Variants in SEMA6A observed in about 807,000 individuals in gnomAD.
SEMA6A encodes the protein semaphorin 6A.
In SEMA6A, 25 loss-of-function variants were observed where a neutral mutation model predicts 96.8. The observed-to-expected ratio is 0.26, with a 90% CI of 0.19 to 0.36. The LOEUF is 0.36. Ranked by LOEUF, SEMA6A falls within the 10% of genes least tolerant of loss-of-function variation. The probability of loss-of-function intolerance (pLI) is 1.00; values close to 1 mark genes in which losing one functional copy is unlikely to be tolerated. For synonymous variants in SEMA6A, 612 were observed against 518.0 expected (o/e 1.18, Z -2.46); for missense variants, 1,363 against 1,323.1 (o/e 1.03, Z -0.47).
At chr5:116,520,201 T>C (rs1298896868) in intron 1 of SEMA6A, among the ~76,000 whole-genome samples, 1 of 151,516 alleles carries the variant, frequency 6.6e-6, no homozygotes. Context: ...TCCAAGATCA[T>C]AAAATGTCAC....
chr5:116,453,902 C>G (rs548870808), intron 18 of SEMA6A, among the ~76,000 whole-genome samples: 1 of 152,256 alleles, frequency 6.6e-6, no homozygotes, highest in South Asian at 2.1e-4. Context: ...AGCAAAAATA[C>G]GTAAAATTAA....
chr5:116,555,693 A>C (rs1760580520), intron 1 of SEMA6A, among the ~76,000 whole-genome samples: 1 of 151,920 alleles, frequency 6.6e-6, no homozygotes, highest in South Asian at 2.1e-4. Flanking sequence ...AATTGTAAAA[A>C]TTATCCAGGC....
At chr5:116,484,780 T>A (rs1185171813) in intron 10 of SEMA6A, among the ~76,000 whole-genome samples, 1 of 152,166 alleles carries the variant, frequency 6.6e-6, no homozygotes, top group Non-Finnish European at 1.5e-5. Context: ...TGGGCAGATG[T>A]TGGTCAGGTG....
intron 18 of SEMA6A, among the ~76,000 whole-genome samples, chr5:116,459,349 A>G (rs916168561): frequency 6.6e-6 from 1 of 152,178 alleles, no homozygotes; most frequent in African/African-American, 2.4e-5. Flanking sequence ...TTATATATGT[A>G]TCACCTGTCA....
At chr5:116,542,357 T>G (rs1580496344) in intron 1 of SEMA6A, among the ~76,000 whole-genome samples, 1 of 152,204 alleles carries the variant, frequency 6.6e-6, no homozygotes, top group African/African-American at 2.4e-5. Flanking sequence ...ACCGTTTTTC[T>G]TCTTCATTAC....
At chr5:116,464,054 A>G (rs1755575014) in intron 18 of SEMA6A, among the ~76,000 whole-genome samples, 1 of 152,200 alleles carries the variant, frequency 6.6e-6, no homozygotes, top group Non-Finnish European at 1.5e-5. Context: ...TAAAAAAGAA[A>G]GCTCTTATTT....
At chr5:116,493,690 A>G (rs1042926450) in intron 6 of SEMA6A, among the ~76,000 whole-genome samples, 1 of 152,108 alleles carries the variant, frequency 6.6e-6, no homozygotes, top group Non-Finnish European at 1.5e-5. Context: ...GTACATGCCA[A>G]AAAAAGACAG....
intron 1 of SEMA6A, among the ~76,000 whole-genome samples, chr5:116,538,082 G>A (rs374343578): frequency 6.6e-6 from 1 of 152,178 alleles, no homozygotes; most frequent in African/African-American, 2.4e-5. Context: ...GGCTGAGGCA[G>A]GGGAATCGCT....
At chr5:116,536,866 T>TAAAAAAAAAAAAAAA (rs72214884) in intron 1 of SEMA6A, among the ~76,000 whole-genome samples, 26 of 69,510 alleles carry the variant, frequency 3.7e-4, no homozygotes, top group African/African-American at 5.2e-4. Context: ...TGTGATTTCT[T>TAAAAAAAAAAAAAAA]AAAAAAAAAA....
At chr5:116,465,894 G>C (rs565071739) in intron 18 of SEMA6A, among the ~76,000 whole-genome samples, 1 of 152,180 alleles carries the variant, frequency 6.6e-6, no homozygotes, top group South Asian at 2.1e-4. Context: ...TGAGAATACA[G>C]TCAGGACTAG....
intron 1 of SEMA6A, among the ~76,000 whole-genome samples, chr5:116,542,375 C>T (rs775718421): frequency 6.6e-5 from 10 of 152,124 alleles, no homozygotes; most frequent in Non-Finnish European, 1.3e-4. Context: ...TACTCTATTG[C>T]ACTTTATTTC....
intron 7 of SEMA6A, 118 bp downstream of exon 7, chr5:116,491,622 A>G (rs1757329192): frequency 1.4e-6 from 1 of 733,098 alleles, no homozygotes; most frequent in Non-Finnish European, 2.4e-6. Context: ...TCTTAATTAC[A>G]GTATTCACCA....
In SEMA6A at chr5:116,550,574, G is replaced by A. The variant is rs185416072; in HGVS notation, c.-39+23611C>T. On this transcript the variant is annotated intron_variant, in intron 1 of 18. Transcript: ENST00000343348. ...CTTCTTTAAGTACCATTTTTTGAAG[G>A]ATCTGTCAGCATGTGCCCAGTGGAC... 1.1e-3 allele frequency: 162 copies of A among 152,210 alleles called. 1 individual carries two copies. Among genetic ancestry groups the A allele is most frequent in the African/African-American group, 3.7e-3 (155 of 41,546 alleles). 9.4% of individuals were successfully genotyped at this position (152,210 alleles called of 1,614,324 possible).
intron 1 of SEMA6A, among the ~76,000 whole-genome samples, chr5:116,525,096 T>C (rs1479765338): frequency 6.6e-6 from 1 of 152,238 alleles, no homozygotes; most frequent in Non-Finnish European, 1.5e-5. Flanking sequence ...CTGATCACTT[T>C]GTAAACATGG....
intron 1 of SEMA6A, among the ~76,000 whole-genome samples, chr5:116,573,124 AAG>A (rs1421093259): frequency 6.6e-6 from 1 of 152,102 alleles, no homozygotes; most frequent in Non-Finnish European, 1.5e-5. Flanking sequence ...GAATCGGGAC[AAG>A]AGACACTTCC....
At chr5:116,470,616 G>A (rs1274401426) in intron 17 of SEMA6A, among the ~76,000 whole-genome samples, 1 of 152,172 alleles carries the variant, frequency 6.6e-6, no homozygotes, top group Non-Finnish European at 1.5e-5. Context: ...AAGAGAGGAA[G>A]AGAGAAGGAA....
chr5:116,498,316 C>G (rs370999981), intron 3 of SEMA6A: 1 of 152,202 alleles, frequency 6.6e-6, no homozygotes, highest in East Asian at 1.9e-4. Context: ...ACCAGGACCT[C>G]GTCTCCCATA....
chr5:116,560,367 T>C (rs1760772295), intron 1 of SEMA6A, among the ~76,000 whole-genome samples: 1 of 152,104 alleles, frequency 6.6e-6, no homozygotes, highest in Non-Finnish European at 1.5e-5. Flanking sequence ...AATTCTGAAC[T>C]AGTTCATCGC....
chr5:116,446,698 G>A lies in SEMA6A; in HGVS notation c.3008C>T (p.Thr1003Met), dbSNP rs527797505. 6.9e-6 allele frequency: 11 copies of A among 1,584,952 alleles called. No individual in the cohort carries two copies. The East Asian group carries it at 1.4e-4, about 20-fold the overall frequency. ...GGGTACGTCCGGCTTTAGCGAGGGC[G>A]TACGCTTCAGCCCCGACCTTGTCAG... The part of the protein sequence containing the change: ...NSLTRSGLKR[T>M]PSLKPDVPPK... Residue 1003 changes from threonine (T) to methionine (M), a missense_variant, in exon 19 of 19, where the codon ACG becomes ATG. This residue lies in a region of SEMA6A where 883 missense variants were observed against 763.6 expected (regional missense o/e 1.16). Coordinates refer to ENST00000343348, the MANE Select transcript of SEMA6A (RefSeq NM_020796.5).
Sources: gnomAD v4.1 joint callset for allele counts (sites outside exome capture counted in the v4.1 genomes callset) on GRCh38, gnomAD v4.1.1 for gene constraint, gnomAD v4.1.1 regional missense constraint, MANE v1.5 for transcripts, NCBI Gene and HGNC (gene_info 2026-07-23, HGNC 2026-07-21) for gene names.